Variants in SLC8A1 observed in about 807,000 individuals in gnomAD.
The protein encoded by SLC8A1 is sodium/calcium exchanger 1.
In SLC8A1, 18 loss-of-function variants were observed where a neutral mutation model predicts 68.3. The observed-to-expected ratio is 0.26, with a 90% CI of 0.18 to 0.39. The LOEUF (loss-of-function observed/expected upper bound fraction) is 0.39. Among genes scored for constraint, SLC8A1 ranks in the 10% least tolerant of loss-of-function variants. SLC8A1 has a pLI of 1.00. For synonymous variants in SLC8A1, 475 were observed against 415.5 expected (o/e 1.14, Z -1.74); for missense variants, 985 against 1,156.7 (o/e 0.85, Z 2.15).
intron 2 of SLC8A1, among the ~76,000 whole-genome samples, chr2:40,224,201 C>T (rs868538904): frequency 3.7e-4 from 56 of 152,132 alleles, no homozygotes; most frequent in African/African-American, 1.3e-3. Flanking sequence ...GAATAGCAAA[C>T]GTATAGGCTT....
intron 1 of SLC8A1, among the ~76,000 whole-genome samples, chr2:40,451,691 G>A (rs905055330): frequency 4.0e-5 from 6 of 148,992 alleles, no homozygotes; most frequent in African/African-American, 1.5e-4. Context: ...TTTCACTCTG[G>A]GAAGCGCGGA....
chr2:40,179,663 G>A (rs1457777632), intron 2 of SLC8A1, among the ~76,000 whole-genome samples: 1 of 152,150 alleles, frequency 6.6e-6, no homozygotes, highest in African/African-American at 2.4e-5. Flanking sequence ...TAACAGCATG[G>A]CCATTCTTTA....
chr2:40,194,492 TGTGTGTGTGTGTGTGCGCGC>T (rs1197956859), intron 2 of SLC8A1, among the ~76,000 whole-genome samples: 13 of 146,856 alleles, frequency 8.9e-5, no homozygotes, highest in African/African-American at 2.8e-4. Flanking sequence ...TGTGTGTGTG[TGTGTGTGTGTGTGTGCGCGC>T]GCAAAGAAAA....
In SLC8A1 at chr2:40,417,003, C is replaced by T. The variant is rs549753318; in HGVS notation, c.1808+11470G>A. Among the ~76,000 whole-genome samples, 16 of 152,174 alleles carry T rather than the reference C, an allele frequency of 1.1e-4. No homozygotes were observed. The East Asian group carries it at 2.9e-3, about 28-fold the overall frequency. On this transcript the variant is annotated intron_variant, in intron 2 of 7. Transcript: ENST00000406785. ...AAAATAAAAATGATAATTTACCAAC[C>T]TCTCTCTCAGGAGGCAAAGTACAGA...
In SLC8A1 at chr2:40,289,437, G is replaced by T. The variant is rs141442974; in HGVS notation, c.1809-111582C>A. ...ACCTTAACAACTTTCTTGCCAGATT[G>T]CTTTGAATCCCTAAATGCCTTATTT... is the stretch of plus-strand genomic sequence containing the variant. On this transcript the variant is annotated intron_variant, in intron 2 of 7. Transcript: ENST00000406785. 5.3e-3 allele frequency among the ~76,000 whole-genome samples: 809 copies of T among 152,200 alleles called. 8 individuals are homozygous for T. Among genetic ancestry groups the T allele is most frequent in the African/African-American group, 0.018 (760 of 41,556 alleles).
chr2:40,192,325 G>A (rs1460564058), intron 2 of SLC8A1, among the ~76,000 whole-genome samples: 1 of 150,304 alleles, frequency 6.7e-6, no homozygotes, highest in African/African-American at 2.4e-5. Context: ...GAATGAAAAA[G>A]CAATGATTTC....
At chr2:40,409,198 A>G (rs1691342421) in intron 2 of SLC8A1, among the ~76,000 whole-genome samples, 1 of 152,198 alleles carries the variant, frequency 6.6e-6, no homozygotes, top group South Asian at 2.1e-4. Context: ...TCTGGTATTC[A>G]TGTAAAAGAA....
intron 7 of SLC8A1, among the ~76,000 whole-genome samples, chr2:40,117,881 G>A (rs1263831014): frequency 6.6e-6 from 1 of 152,170 alleles, no homozygotes; most frequent in African/African-American, 2.4e-5. Context: ...GGATTCTCCT[G>A]CTTTACAATG....
chr2:40,436,247 T>G (rs1174949536), intron 1 of SLC8A1, among the ~76,000 whole-genome samples: 1 of 152,130 alleles, frequency 6.6e-6, no homozygotes, highest in African/African-American at 2.4e-5. Context: ...CATCTGCTTA[T>G]TGAATGAGTA....
intron 1 of SLC8A1, among the ~76,000 whole-genome samples, chr2:40,481,695 G>A (rs1704639432): frequency 6.6e-6 from 1 of 152,066 alleles, no homozygotes; most frequent in Non-Finnish European, 1.5e-5. Flanking sequence ...ATACACCAAC[G>A]GAAAAGTAAT....
chr2:40,485,586 T>C (rs550294493), intron 1 of SLC8A1, among the ~76,000 whole-genome samples: 49 of 152,330 alleles, frequency 3.2e-4, no homozygotes, highest in African/African-American at 1.2e-3. Flanking sequence ...CTGTAATTCA[T>C]CTTTATTTCA....
intron 3 of SLC8A1, among the ~76,000 whole-genome samples, chr2:40,176,774 A>T (rs1411513001): frequency 2.0e-5 from 3 of 152,202 alleles, no homozygotes; most frequent in African/African-American, 7.2e-5. Flanking sequence ...CCATCTCATT[A>T]TATCATACTG....
intron 2 of SLC8A1, among the ~76,000 whole-genome samples, chr2:40,265,522 A>C (rs1313256501): frequency 6.6e-6 from 1 of 152,176 alleles, no homozygotes; most frequent in Non-Finnish European, 1.5e-5. Flanking sequence ...GCAGATAATA[A>C]AACTGATGAG....
At chr2:40,487,705 A>G (rs1426076318) in intron 1 of SLC8A1, among the ~76,000 whole-genome samples, 1 of 152,196 alleles carries the variant, frequency 6.6e-6, no homozygotes, top group Non-Finnish European at 1.5e-5. Flanking sequence ...TTTAGTGTTC[A>G]CTGTGACTCC....
chr2:40,453,551 G>C (rs371211528), upstream of SLC8A1: 3 of 152,192 alleles, frequency 2.0e-5, no homozygotes, highest in Non-Finnish European at 2.9e-5. Context: ...TTGCACCTCA[G>C]AATCTCCTGG....
chr2:40,415,857 TATACAC>T (rs1418557320), intron 2 of SLC8A1, among the ~76,000 whole-genome samples: 2 of 101,748 alleles, frequency 2.0e-5, no homozygotes, highest in Admixed American at 1.1e-4. Flanking sequence ...CTACTAAAAG[TATACAC>T]ACACACACAC....
rs1292119946 is a variant in SLC8A1, at chr2:40,309,872, T to C, written c.1808+118601A>G. The stretch of plus-strand genomic sequence containing the variant: ...AACATGTTTAAAGTGTATAATTCAG[T>C]GGTTTTTAGTATATTCATAAGGTTG... On this transcript the variant is annotated intron_variant, in intron 2 of 7. Coordinates refer to ENST00000406785, the Ensembl canonical transcript of SLC8A1. 3.3e-5 allele frequency among the ~76,000 whole-genome samples: 5 copies of C among 152,262 alleles called. No homozygotes were observed. In the South Asian group the frequency reaches 6.2e-4, roughly 19 times the overall value.
rs968076961 is a variant in SLC8A1 at position 40,465,717 on chromosome 2, C to T, written c.-24-35413G>A. Reference sequence around the variant, plus strand: ...CGTAATTTTATTTCAGAATAAGGTGCGATAGCGTATTTTTTTATACAAGGA... The same window carrying T: ...CGTAATTTTATTTCAGAATAAGGTGTGATAGCGTATTTTTTTATACAAGGA... On this transcript the variant is annotated intron_variant, in intron 1 of 7. Transcript: ENST00000402441. 3.9e-5 allele frequency among the ~76,000 whole-genome samples: 6 copies of T among 151,960 alleles called. No individual in the cohort carries two copies. In the East Asian group the frequency reaches 9.6e-4, roughly 24 times the overall value.
chr2:40,315,836 TA>T (rs1170036342), intron 2 of SLC8A1, among the ~76,000 whole-genome samples: 5 of 151,936 alleles, frequency 3.3e-5, no homozygotes, highest in Admixed American at 3.3e-4. Flanking sequence ...GATAATGTAT[TA>T]AGAAACAAAA....
Sources: gnomAD v4.1 joint callset for allele counts (sites outside exome capture counted in the v4.1 genomes callset) on GRCh38, gnomAD v4.1.1 for gene constraint, MANE v1.5 for transcripts, NCBI Gene and HGNC (gene_info 2026-07-23, HGNC 2026-07-21) for gene names.